Variants in MBLAC2 observed in about 807,000 individuals in gnomAD.
The protein encoded by MBLAC2 is acyl-coenzyme A thioesterase MBLAC2.
MBLAC2 carries 24 observed loss-of-function variants against 23.3 expected under a neutral mutation model. The observed-to-expected ratio is 1.03, with a 90% CI of 0.75 to 1.45. MBLAC2 has a LOEUF of 1.45. MBLAC2 is among the 40% of genes most tolerant of loss of function. The probability of loss-of-function intolerance (pLI) is 0.00; values close to 1 mark genes in which losing one functional copy is unlikely to be tolerated. For missense variants in MBLAC2, 358 were observed against 370.0 expected, an observed-to-expected ratio of 0.97 and a Z score of 0.27; for synonymous variants, 162 against 150.9, an observed-to-expected ratio of 1.07 and a Z score of -0.54.
chr5:90,468,441 T>C (rs1377606743), intron 1 of MBLAC2, among the ~76,000 whole-genome samples: 1 of 152,090 alleles, frequency 6.6e-6, no homozygotes, highest in Non-Finnish European at 1.5e-5. Context: ...TCAAAAGCCA[T>C]GTCTTTGAGC....
rs760965624 is a variant in MBLAC2, at chr5:90,474,556, G to A, written c.-264C>T. On this transcript the variant is annotated 5_prime_UTR_variant, in exon 1 of 2. Coordinates refer to ENST00000316610, the MANE Select transcript of MBLAC2 (RefSeq NM_203406.2). ...GCGCCACCAGCACGGGGGCGCAGGA[G>A]CTACCGCAGCCTCGGCAGCCGCACC... The A allele has an allele frequency of 3.8e-5, 19 of 502,584 alleles. No homozygotes were observed. Among genetic ancestry groups the A allele is most frequent in the Non-Finnish European group, 5.3e-5 (15 of 282,206 alleles). 31.1% of individuals were successfully genotyped at this position (502,584 alleles called of 1,614,324 possible).
intron 1 of MBLAC2, among the ~76,000 whole-genome samples, chr5:90,468,384 A>T (rs761172956): frequency 3.3e-5 from 5 of 150,546 alleles, no homozygotes; most frequent in African/African-American, 1.2e-4. Context: ...GGCCTTGTTC[A>T]TTTTTTTTTA....
chr5:90,464,296 T>C (rs1039484255), intron 1 of MBLAC2, among the ~76,000 whole-genome samples: 35 of 152,116 alleles, frequency 2.3e-4, no homozygotes, highest in Admixed American at 1.2e-3. Context: ...ACATCAGGCC[T>C]GGTGCGGTAG....
At chr5:90,473,813 A>C in intron 1 of MBLAC2, 26 bp downstream of exon 1, 12 of 1,550,794 alleles carry the variant, frequency 7.7e-6, no homozygotes, top group Non-Finnish European at 1.0e-5. Context: ...CCTTAACGAG[A>C]GCGCGCGCCC....
At position 90,459,886 on chromosome 5, in the gene MBLAC2, G is replaced by A. The variant is rs1292824345; in HGVS notation, c.*1281C>T. 6.6e-6 allele frequency: 1 copy of A among 152,442 alleles called. No individual in the cohort carries two copies. The highest frequency in any genetic ancestry group is 2.4e-5 in the African/African-American group (1 of 41,388). The allele number at this position is 152,442 out of a possible 1,614,324, so 9.4% of individuals were successfully genotyped here. On this transcript the variant is annotated 3_prime_UTR_variant, in exon 2 of 2. Coordinates refer to ENST00000316610, the MANE Select transcript of MBLAC2 (RefSeq NM_203406.2). ...AATTTTTCAGAAACCAAAATTGCTG[G>A]ATCTTCCTAACATTAAAAAATCTGA...
At chr5:90,462,090 T>C (rs377219225) in intron 1 of MBLAC2, among the ~76,000 whole-genome samples, 12 of 152,196 alleles carry the variant, frequency 7.9e-5, no homozygotes, top group Admixed American at 7.2e-4. Flanking sequence ...AATTAGGGCT[T>C]GAGGAATTGA....
intron 1 of MBLAC2, among the ~76,000 whole-genome samples, chr5:90,470,990 A>G (rs1750539057): frequency 6.6e-6 from 1 of 152,204 alleles, no homozygotes; most frequent in Non-Finnish European, 1.5e-5. Flanking sequence ...CCACTGAGGT[A>G]CTACTGCCTA....
At chr5:90,462,540 G>C (rs566384243) in intron 1 of MBLAC2, among the ~76,000 whole-genome samples, 6 of 152,038 alleles carry the variant, frequency 3.9e-5, no homozygotes, top group Non-Finnish European at 8.8e-5. Flanking sequence ...CAAATAGGTT[G>C]AAAAGCTTAA....
Position 90,461,617 on chromosome 5 carries a change from CT to C in MBLAC2, c.455-66del. On this transcript the variant is annotated intron_variant, in intron 1 of 1. Coordinates refer to ENST00000316610, the MANE Select transcript of MBLAC2 (RefSeq NM_203406.2). ...TACTTGACTTAGCATGTAAAGCATA[CT>C]AGAGCATTATATGCTTCCAAAGAAA... 3 of 1,430,690 alleles carry C rather than the reference CT, an allele frequency of 2.1e-6. No homozygotes were observed. The South Asian group carries it at 4.1e-5, about 20-fold the overall frequency. 88.6% of individuals were successfully genotyped at this position (1,430,690 alleles called of 1,614,324 possible). A position where few individuals can be genotyped will look rare whatever the true frequency, so the allele number is the denominator to read the frequency against.
rs1395031322 is a variant in MBLAC2, at chr5:90,474,533, G to A, written c.-241C>T. The stretch of plus-strand genomic sequence containing the variant: ...CAGGTCGGCAGCAAGCAGAGGCTGC[G>A]CCACCAGCACGGGGGCGCAGGAGCT... On this transcript the variant is annotated 5_prime_UTR_variant, in exon 1 of 2. Coordinates refer to ENST00000316610, the MANE Select transcript of MBLAC2 (RefSeq NM_203406.2). 1.9e-6 allele frequency: 1 copy of A among 532,188 alleles called. No individual in the cohort carries two copies. The highest frequency in any genetic ancestry group is 3.4e-5 in the East Asian group (1 of 29,828). 33.0% of individuals were successfully genotyped at this position (532,188 alleles called of 1,614,324 possible). A position where few individuals can be genotyped will look rare whatever the true frequency, so the allele number is the denominator to read the frequency against.
intron 1 of MBLAC2, among the ~76,000 whole-genome samples, chr5:90,468,233 C>G (rs1359869735): frequency 6.6e-6 from 1 of 152,118 alleles, no homozygotes; most frequent in Non-Finnish European, 1.5e-5. Context: ...ATTTGGATGT[C>G]TAGATCTCTA....
chr5:90,473,417 T>C, intron 1 of MBLAC2: 1 of 482,332 alleles, frequency 2.1e-6, no homozygotes, highest in East Asian at 4.1e-5. Flanking sequence ...AAAGCACAGA[T>C]CATGACATGC....
rs774645252 is a variant in MBLAC2 at position 90,473,860 on chromosome 5, G to C, written c.433C>G (p.Pro145Ala). ...ARQFRVQAVQ[P>A]TLILQDGDVI... ...TTACCATCCTGCAGGATGAGGGTGG[G>C]CTGCACCGCCTGTACCCGGAACTGT... The change falls in exon 1 of 2, where the codon CCC (proline) becomes GCC (alanine). Residue 145 changes from proline (P) to alanine (A), a missense_variant. By Grantham distance (27) the Pro-to-Ala change is conservative (BLOSUM62 -1). Transcript: ENST00000316610. The C allele has an allele frequency of 8.8e-6, 14 of 1,590,652 alleles. No homozygotes were observed. Among genetic ancestry groups the C allele is most frequent in the Non-Finnish European group, 1.0e-5 (12 of 1,169,002 alleles).
At chr5:90,462,143 A>T (rs562997434) in intron 1 of MBLAC2, among the ~76,000 whole-genome samples, 1 of 152,280 alleles carries the variant, frequency 6.6e-6, no homozygotes, top group African/African-American at 2.4e-5. Flanking sequence ...AATCTCCTTA[A>T]TCTCTGACCC....
chr5:90,461,600 T>C, intron 1 of MBLAC2, 48 bp from the exon 2 acceptor site: 1 of 1,536,426 alleles, frequency 6.5e-7, no homozygotes, highest in South Asian at 1.3e-5. Context: ...TATACTTGAC[T>C]TAGCATGTAA....
rs1427526097 is a variant in MBLAC2, at chr5:90,461,424, A to G, written c.583T>C (p.Ser195Pro). Residue 195 changes from serine (S) to proline (P), a missense_variant, in exon 2 of 2, where the codon TCA becomes CCA. Coordinates refer to ENST00000316610, the MANE Select transcript of MBLAC2 (RefSeq NM_203406.2). ...LFSGDVVYDGSLIDWLPYSRI... is the reference protein window; with the variant it reads ...LFSGDVVYDGPLIDWLPYSRI... ...CTGTATGGGAGCCAGTCAATCAGTG[A>G]TCCATCATACACGACGTCTCCACTG... is the stretch of plus-strand genomic sequence containing the variant. The G allele has an allele frequency of 6.2e-7, 1 of 1,614,004 alleles. No homozygotes were observed. Among genetic ancestry groups the G allele is most frequent in the Non-Finnish European group, 8.5e-7 (1 of 1,180,002 alleles).
In MBLAC2 at chr5:90,473,846, C is replaced by A; in HGVS notation, c.447G>T (p.Leu149=). The A allele has an allele frequency of 1.3e-6, 2 of 1,580,938 alleles. No individual in the cohort carries two copies. The highest frequency in any genetic ancestry group is 1.3e-5 in the African/African-American group (1 of 74,408). The change falls in exon 1 of 2, where the codon CTG becomes CTT. Residue 149 remains leucine (L), a synonymous_variant. Coordinates refer to ENST00000316610, the MANE Select transcript of MBLAC2 (RefSeq NM_203406.2). The stretch of plus-strand genomic sequence containing the variant: ...CCCGCGGGGGCCCATTACCATCCTG[C>A]AGGATGAGGGTGGGCTGCACCGCCT... ...RVQAVQPTLI[L]QDGDVINLGD... is the part of the protein sequence containing the mutation.
At position 90,474,503 on chromosome 5, in the gene MBLAC2, T is replaced by G; in HGVS notation, c.-211A>C. ...CCCGTAGCGTGCGCTCCCGCACCCT[T>G]CCGCCAGGTCGGCAGCAAGCAGAGG... On this transcript the variant is annotated 5_prime_UTR_variant, in exon 1 of 2. Coordinates refer to ENST00000316610, the MANE Select transcript of MBLAC2 (RefSeq NM_203406.2). The G allele has an allele frequency of 1.8e-6, 1 of 551,410 alleles. No homozygotes were observed. The highest frequency in any genetic ancestry group is 3.2e-6 in the Non-Finnish European group (1 of 313,960). 34.2% of individuals were successfully genotyped at this position (551,410 alleles called of 1,614,324 possible).
rs538152551 is a variant in MBLAC2 at position 90,460,512 on chromosome 5, T to C, written c.*655A>G. The C allele has an allele frequency of 1.6e-4, 25 of 152,662 alleles. No homozygotes were observed. The South Asian group carries it at 5.2e-3, about 32-fold the overall frequency. 9.5% of individuals were successfully genotyped at this position (152,662 alleles called of 1,614,324 possible). A position where few individuals can be genotyped will look rare whatever the true frequency, so the allele number is the denominator to read the frequency against. ...CTACACAATAACAAACAACAATATA[T>C]AGTAGCTTTTTACTGAAGCACTCTG... On this transcript the variant is annotated 3_prime_UTR_variant, in exon 2 of 2. Coordinates refer to ENST00000316610, the MANE Select transcript of MBLAC2 (RefSeq NM_203406.2).
Sources: allele counts gnomAD v4.1 joint callset (sites outside exome capture counted in the v4.1 genomes callset), GRCh38; gene constraint gnomAD v4.1.1; transcripts MANE v1.5; gene names NCBI Gene and HGNC (gene_info 2026-07-23, HGNC 2026-07-21).